Variants in CACNA1C observed in about 807,000 individuals in gnomAD.
CACNA1C encodes voltage-dependent L-type calcium channel subunit alpha-1C.
In CACNA1C, 30 loss-of-function variants were observed where a neutral mutation model predicts 229.0. That is an observed-to-expected ratio of 0.13 (90% CI 0.10 to 0.18). The LOEUF is 0.18. Among genes scored for constraint, CACNA1C ranks in the 10% least tolerant of loss-of-function variants. CACNA1C has a pLI of 1.00. For synonymous variants in CACNA1C, 1,114 were observed against 1,132.5 expected (o/e 0.98, Z 0.33); for missense variants, 1,658 against 2,845.0 (o/e 0.58, Z 9.49).
chr12:2,112,006 C>A (rs1276282205), intron 1 of CACNA1C, among the ~76,000 whole-genome samples: 1 of 152,146 alleles, frequency 6.6e-6, no homozygotes, highest in Non-Finnish European at 1.5e-5. Context: ...CAGGAGGAGG[C>A]GTGCACCTTG....
At chr12:2,446,920 C>G (rs1596485021) in intron 3 of CACNA1C, among the ~76,000 whole-genome samples, 1 of 152,094 alleles carries the variant, frequency 6.6e-6, no homozygotes, top group African/African-American at 2.4e-5. Flanking sequence ...GTGAAAGCAA[C>G]TAGCACATAT....
intron 1 of CACNA1C, among the ~76,000 whole-genome samples, chr12:2,104,425 C>A (rs2077460716): frequency 6.6e-6 from 1 of 152,154 alleles, no homozygotes; most frequent in Non-Finnish European, 1.5e-5. Flanking sequence ...GATTTTGTAT[C>A]CTGAGACTTT....
At chr12:2,353,736 G>C (rs1415917175) in intron 3 of CACNA1C, among the ~76,000 whole-genome samples, 6 of 152,220 alleles carry the variant, frequency 3.9e-5, no homozygotes, top group Non-Finnish European at 8.8e-5. Context: ...AGGGGAGGCT[G>C]TCTGGGGGTG....
At chr12:2,650,512 G>T (rs796486898) in intron 31 of CACNA1C, among the ~76,000 whole-genome samples, 2 of 152,288 alleles carry the variant, frequency 1.3e-5, no homozygotes, top group African/African-American at 4.8e-5. Context: ...CTCTCCCGGT[G>T]CCCGCAGGTC....
intron 1 of CACNA1C, among the ~76,000 whole-genome samples, chr12:2,066,516 G>T (rs147620169): frequency 6.6e-6 from 1 of 152,148 alleles, no homozygotes; most frequent in Admixed American, 6.5e-5. Context: ...TGAGAAGCCC[G>T]CTGGATTGAA....
chr12:2,470,372 G>A (rs918855528), intron 5 of CACNA1C, among the ~76,000 whole-genome samples: 9 of 152,316 alleles, frequency 5.9e-5, no homozygotes, highest in South Asian at 2.1e-4. Context: ...AGGCCACTTA[G>A]GCTTATAAGT....
intron 1 of CACNA1C, among the ~76,000 whole-genome samples, chr12:2,022,069 T>A (rs2046559706): frequency 6.6e-6 from 1 of 152,146 alleles, no homozygotes; most frequent in Non-Finnish European, 1.5e-5. Flanking sequence ...GTTGGCAAGT[T>A]CTCCCCACAT....
intron 3 of CACNA1C, among the ~76,000 whole-genome samples, chr12:2,374,582 G>T (rs1490912581): frequency 6.6e-6 from 1 of 152,190 alleles, no homozygotes; most frequent in Non-Finnish European, 1.5e-5. Context: ...TGAGGCATTG[G>T]TAGAGCGGTC....
chr12:2,424,341 G>A (rs1426004151), intron 3 of CACNA1C, among the ~76,000 whole-genome samples: 1 of 152,196 alleles, frequency 6.6e-6, no homozygotes, highest in Non-Finnish European at 1.5e-5. Flanking sequence ...AGCAAGCGGG[G>A]AGAGGAAAAG....
chr12:2,230,606 CG>C (rs1275989923), intron 3 of CACNA1C, among the ~76,000 whole-genome samples: 6 of 152,226 alleles, frequency 3.9e-5, no homozygotes, highest in Admixed American at 2.0e-4. Context: ...CCCTGCTGAC[CG>C]GGCTCTTCCC....
chr12:2,135,728 T>C (rs541954318), intron 3 of CACNA1C, among the ~76,000 whole-genome samples: 1,630 of 146,006 alleles, frequency 0.011, 67 homozygotes, highest in Middle Eastern at 0.024. Flanking sequence ...GACAGGGACA[T>C]TTAAGTCTGC....
Position 2,668,988 on chromosome 12 carries a change from C to G in CACNA1C, c.4679C>G (p.Ala1560Gly), listed in dbSNP as rs763935603. 6.2e-7 allele frequency: 1 copy of G among 1,614,120 alleles called. No homozygotes were observed. The change falls in exon 38 of 47, where the codon GCC (alanine) becomes GGC (glycine). Residue 1560 changes from alanine (A) to glycine (G), a missense_variant. Transcript: ENST00000399655. ...AGCGACGGGACAGTCATGTTCAATG[C>G]CACCCTGTTTGCCCTGGTCAGGACG... ...LNSDGTVMFNATLFALVRTAL... is the reference protein window; with the variant it reads ...LNSDGTVMFNGTLFALVRTAL...
intron 43 of CACNA1C, 126 bp downstream of exon 43, chr12:2,682,804 C>T: frequency 4.3e-6 from 3 of 703,926 alleles, no homozygotes; most frequent in Non-Finnish European, 5.9e-6. Flanking sequence ...ACAGAGAAAA[C>T]ATCTGCACCG....
chr12:2,080,764 G>A (rs2065278091), intron 1 of CACNA1C, among the ~76,000 whole-genome samples: 1 of 152,136 alleles, frequency 6.6e-6, no homozygotes, highest in African/African-American at 2.4e-5. Flanking sequence ...TTAAACATTA[G>A]GTTAGATATG....
At chr12:2,250,713 C>T (rs1438344121) in intron 3 of CACNA1C, among the ~76,000 whole-genome samples, 1 of 152,184 alleles carries the variant, frequency 6.6e-6, no homozygotes, top group African/African-American at 2.4e-5. Context: ...AGTGCTGTAG[C>T]CTTGGGCACT....
At position 2,183,558 on chromosome 12, in the gene CACNA1C, G is replaced by C. The variant is rs143110796; in HGVS notation, c.477+63128G>C. On this transcript the variant is annotated intron_variant, in intron 3 of 46. Coordinates refer to ENST00000399655, the MANE Select transcript of CACNA1C (RefSeq NM_000719.7). The stretch of plus-strand genomic sequence containing the variant: ...ATATATACCAACAAAAGTTGTCTGC[G>C]TCTTTTTCTGGGGACAGACCCCCCC... Among the ~76,000 whole-genome samples the C allele has an allele frequency of 1.5e-4, 23 of 151,062 alleles. No individual in the cohort carries two copies. In the East Asian group the frequency reaches 2.9e-3, roughly 19 times the overall value.
chr12:2,100,200 CTTT>C (rs2075766949), intron 1 of CACNA1C, among the ~76,000 whole-genome samples: 1 of 152,066 alleles, frequency 6.6e-6, no homozygotes. Context: ...AATCCTAGCA[CTTT>C]TGGAGGCTGA....
rs140825611 is a variant in CACNA1C at position 2,403,405 on chromosome 12, A to T, written c.478-45571A>T. Among the ~76,000 whole-genome samples the T allele has an allele frequency of 2.0e-5, 3 of 152,096 alleles. No individual in the cohort carries two copies. Among genetic ancestry groups the T allele is most frequent in the African/African-American group, 7.2e-5 (3 of 41,504 alleles). On this transcript the variant is annotated intron_variant, in intron 3 of 46. Transcript: ENST00000399655. This position sits in a 1 kb window ranked among gnomAD's most constrained non-coding sequence, Gnocchi z 4.1. ...CAGGAGTGAGCGCGGAGCTGTGAGGACCCAGGGAGGAGGGTTTAGAAGTCA... is the reference window on the plus strand; with the variant it reads ...CAGGAGTGAGCGCGGAGCTGTGAGGTCCCAGGGAGGAGGGTTTAGAAGTCA...
chr12:2,329,179 G>C (rs2096455252), intron 3 of CACNA1C, among the ~76,000 whole-genome samples: 2 of 152,090 alleles, frequency 1.3e-5, no homozygotes, highest in African/African-American at 4.8e-5. Context: ...CGATGCTGCT[G>C]GTCTAATGAC....
Sources: gnomAD v4.1 joint callset for allele counts (sites outside exome capture counted in the v4.1 genomes callset) on GRCh38, gnomAD v4.1.1 for gene constraint, Gnocchi (gnomAD v3.1) non-coding constraint, MANE v1.5 for transcripts, NCBI Gene and HGNC (gene_info 2026-07-23, HGNC 2026-07-21) for gene names.